The following OLFM3 variants were observed in gnomAD, a reference collection of about 807,000 sequenced individuals.
OLFM3 encodes noelin-3.
OLFM3 carries 20 observed loss-of-function variants against 48.6 expected under a neutral mutation model. The observed-to-expected ratio is 0.41, with a 90% CI of 0.29 to 0.60. The LOEUF (loss-of-function observed/expected upper bound fraction) is 0.60. Among genes scored for constraint, OLFM3 ranks in the 20% least tolerant of loss-of-function variants. The pLI, the probability that OLFM3 is intolerant of heterozygous loss-of-function variation, is 0.28. For missense variants in OLFM3, 437 were observed against 544.3 expected, an observed-to-expected ratio of 0.80 and a Z score of 1.96; for synonymous variants, 222 against 198.1, an observed-to-expected ratio of 1.12 and a Z score of -1.01.
rs534464283 is a variant in OLFM3 at position 101,984,678 on chromosome 1, G to T, written c.69+12070C>A. On this transcript the variant is annotated intron_variant, in intron 1 of 5. Coordinates refer to ENST00000370103, the MANE Select transcript of OLFM3 (RefSeq NM_058170.4). ...GCCTCCCAAAGTGCTGGGATTACAGGCTTGAGCCACTGTGGCCGGCTGCAA... is the reference window on the plus strand; with the variant it reads ...GCCTCCCAAAGTGCTGGGATTACAGTCTTGAGCCACTGTGGCCGGCTGCAA... Among the ~76,000 whole-genome samples the T allele has an allele frequency of 9.2e-4, 140 of 152,282 alleles. 1 individual carries two copies. The highest frequency in any genetic ancestry group is 1.0e-3 in the Admixed American group (16 of 15,302).
Position 101,979,813 on chromosome 1 carries a change from C to T in OLFM3, c.69+16935G>A, listed in dbSNP as rs147849138. 6.1e-3 allele frequency among the ~76,000 whole-genome samples: 930 copies of T among 152,306 alleles called. 1 individual carries two copies. The highest frequency in any genetic ancestry group is 0.011 in the Non-Finnish European group (727 of 68,022). ...GCCCCCAGAATGGTAGATCCCCCAACGGCTTGTACTGTGCACCTGGAAAAG... is the reference window on the plus strand; with the variant it reads ...GCCCCCAGAATGGTAGATCCCCCAATGGCTTGTACTGTGCACCTGGAAAAG... On this transcript the variant is annotated intron_variant, in intron 1 of 5. Coordinates refer to ENST00000370103, the MANE Select transcript of OLFM3 (RefSeq NM_058170.4).
At chr1:101,951,295 A>G (rs1382832793) in intron 1 of OLFM3, among the ~76,000 whole-genome samples, 4 of 152,200 alleles carry the variant, frequency 2.6e-5, no homozygotes, top group Non-Finnish European at 5.9e-5. Flanking sequence ...TTTTCACTGA[A>G]GTTTGTTTGT....
At position 101,885,836 on chromosome 1, in the gene OLFM3, T is replaced by A. The variant is rs150672302; in HGVS notation, c.70-48811A>T. 4.2e-4 allele frequency among the ~76,000 whole-genome samples: 64 copies of A among 152,224 alleles called. 2 individuals carry two copies. The East Asian group carries it at 7.9e-3, about 19-fold the overall frequency. Reference sequence around the variant, plus strand: ...GGCTAATGTGCCAATCAATGCTTTATGCTATTGGTACATCTTCCAGTCAAC... The same window carrying A: ...GGCTAATGTGCCAATCAATGCTTTAAGCTATTGGTACATCTTCCAGTCAAC... On this transcript the variant is annotated intron_variant, in intron 1 of 5. Coordinates refer to ENST00000370103, the MANE Select transcript of OLFM3 (RefSeq NM_058170.4).
At chr1:101,910,891 T>C (rs560010210) in intron 1 of OLFM3, among the ~76,000 whole-genome samples, 24 of 152,336 alleles carry the variant, frequency 1.6e-4, no homozygotes, top group Admixed American at 7.8e-4. Flanking sequence ...ATAGAGCCAT[T>C]GGTAAGAACT....
chr1:101,804,981 A>T lies in OLFM3; in HGVS notation c.700-66T>A. The T allele has an allele frequency of 7.9e-7, 1 of 1,262,434 alleles. No homozygotes were observed. The highest frequency in any genetic ancestry group is 1.4e-5 in the South Asian group (1 of 69,596). The allele number at this position is 1,262,434 out of a possible 1,614,324, so 78.2% of individuals were successfully genotyped here. ...GTACTTTTCTGATAACCCCAAAAGAAAGACAGTGAGAGTCAACACTTATTA... is the reference window on the plus strand; with the variant it reads ...GTACTTTTCTGATAACCCCAAAAGATAGACAGTGAGAGTCAACACTTATTA... On this transcript the variant is annotated intron_variant, in intron 5 of 5. Coordinates refer to ENST00000370103, the MANE Select transcript of OLFM3 (RefSeq NM_058170.4). The surrounding 1 kb of genome is among the most constrained non-coding windows in gnomAD (Gnocchi z 4.5).
At chr1:101,933,752 T>A (rs1025314729) in intron 1 of OLFM3, among the ~76,000 whole-genome samples, 3 of 151,896 alleles carry the variant, frequency 2.0e-5, no homozygotes, top group African/African-American at 7.3e-5. Context: ...CCCATCAGGC[T>A]AACAGTGGAA....
intron 2 of OLFM3, among the ~76,000 whole-genome samples, chr1:101,834,374 ATTG>A (rs576149880): frequency 4.6e-5 from 7 of 152,246 alleles, no homozygotes; most frequent in Non-Finnish European, 7.3e-5. Context: ...AATGGGAACT[ATTG>A]TTGTAAATAT....
intron 4 of OLFM3, 36 bp from the exon 5 acceptor site, chr1:101,806,218 G>A (rs4907955): frequency 0.58 from 877,783 of 1,519,154 alleles, 257,952 homozygotes; most frequent in East Asian, 0.67. Context: ...TTAGGTGAAC[G>A]CAGCCAATGA....
chr1:101,836,845 C>T (rs879805552), intron 2 of OLFM3, 34 bp downstream of exon 2: 2 of 1,605,390 alleles, frequency 1.2e-6, no homozygotes, highest in Non-Finnish European at 1.7e-6. Flanking sequence ...GTCGATTTTA[C>T]TAAAAATATG....
chr1:101,843,435 G>C (rs1480212879), intron 1 of OLFM3, among the ~76,000 whole-genome samples: 1 of 152,334 alleles, frequency 6.6e-6, no homozygotes, highest in African/African-American at 2.4e-5. Flanking sequence ...GCGCCAGAGG[G>C]AGCCTGAGCC....
chr1:101,858,253 C>T (rs1421951020), intron 1 of OLFM3, among the ~76,000 whole-genome samples: 1 of 151,630 alleles, frequency 6.6e-6, no homozygotes, highest in African/African-American at 2.4e-5. Flanking sequence ...ATTTTTCTAC[C>T]AAAAATATAT....
chr1:101,868,816 T>C (rs1014895194), intron 1 of OLFM3, among the ~76,000 whole-genome samples: 8 of 152,342 alleles, frequency 5.3e-5, no homozygotes, highest in Admixed American at 4.6e-4. Flanking sequence ...CTATCCCAGC[T>C]GCTTCAGCTC....
At chr1:101,939,916 C>T (rs922594863) in intron 1 of OLFM3, among the ~76,000 whole-genome samples, 1 of 152,070 alleles carries the variant, frequency 6.6e-6, no homozygotes, top group Non-Finnish European at 1.5e-5. Flanking sequence ...GCTTATCCTT[C>T]CATTATATTA....
chr1:101,886,457 G>C (rs1009228412), intron 1 of OLFM3, among the ~76,000 whole-genome samples: 2 of 152,032 alleles, frequency 1.3e-5, no homozygotes. Context: ...ATAAAATAAA[G>C]TGGTGATGTT....
At chr1:101,857,261 T>C (rs6702995) in intron 1 of OLFM3, among the ~76,000 whole-genome samples, 79,664 of 151,746 alleles carry the variant, frequency 0.52, 21,749 homozygotes, top group African/African-American at 0.64. Flanking sequence ...AGGAAGTAAC[T>C]GTTGTCAGGA....
intron 1 of OLFM3, among the ~76,000 whole-genome samples, chr1:101,986,654 G>T (rs994262762): frequency 1.3e-5 from 2 of 152,116 alleles, no homozygotes; most frequent in African/African-American, 4.8e-5. Context: ...ATGCAGTCAA[G>T]CTTGTTTCTT....
intron 1 of OLFM3, among the ~76,000 whole-genome samples, chr1:101,946,991 A>G (rs977407536): frequency 1.1e-4 from 16 of 152,310 alleles, no homozygotes; most frequent in African/African-American, 3.8e-4. Context: ...GTTAATGTGA[A>G]AGAAAATGAG....
intron 2 of OLFM3, 99 bp downstream of exon 2, chr1:101,836,780 C>A: frequency 7.8e-7 from 1 of 1,277,428 alleles, no homozygotes; most frequent in Non-Finnish European, 1.1e-6. Context: ...GGACAAAAAT[C>A]AAAAGAATCC....
At position 101,987,563 on chromosome 1, in the gene OLFM3, C is replaced by T. The variant is rs368923547; in HGVS notation, c.69+9185G>A. 1.1e-4 allele frequency among the ~76,000 whole-genome samples: 16 copies of T among 152,106 alleles called. No individual in the cohort carries two copies. In the South Asian group the frequency reaches 2.7e-3, roughly 26 times the overall value. On this transcript the variant is annotated intron_variant, in intron 1 of 5. Transcript: ENST00000370103. ...GTCCTGATTCCAGATAAATAATTCC[C>T]GATGCAGCCGTAAATGTAGATCACT...
Sources: gnomAD v4.1 joint callset for allele counts (sites outside exome capture counted in the v4.1 genomes callset) on GRCh38, gnomAD v4.1.1 for gene constraint, Gnocchi (gnomAD v3.1) non-coding constraint, MANE v1.5 for transcripts, NCBI Gene and HGNC (gene_info 2026-07-23, HGNC 2026-07-21) for gene names.